Variants in UNC79 observed in about 807,000 individuals in gnomAD.
UNC79 encodes the protein protein unc-79 homolog.
In UNC79, 37 loss-of-function variants were observed where a neutral mutation model predicts 283.1. The ratio of observed to expected loss-of-function variants is 0.13; its 90% CI spans 0.10 to 0.17. UNC79 has a LOEUF of 0.17. Ranked by LOEUF, UNC79 falls within the 10% of genes least tolerant of loss-of-function variation. UNC79 has a pLI of 1.00. For missense variants in UNC79, 2,272 were observed against 3,211.1 expected (o/e 0.71, Z 7.07); for synonymous variants, 1,107 against 1,200.2 (o/e 0.92, Z 1.61).
At chr14:93,466,245 G>A (rs1445224772) in intron 1 of UNC79, among the ~76,000 whole-genome samples, 2 of 152,236 alleles carry the variant, frequency 1.3e-5, no homozygotes, top group Non-Finnish European at 2.9e-5. Flanking sequence ...GGTAGTGGAA[G>A]AGAGAAAAGG....
In UNC79 at chr14:93,621,520, G is replaced by A; in HGVS notation, c.4388-101G>A. 2 of 1,337,090 alleles carry A rather than the reference G, an allele frequency of 1.5e-6. No homozygotes were observed. Among genetic ancestry groups the A allele is most frequent in the East Asian group, 2.6e-5 (1 of 39,108 alleles). The allele number at this position is 1,337,090 out of a possible 1,614,324, so 82.8% of individuals were successfully genotyped here. A position where few individuals can be genotyped will look rare whatever the true frequency, so the allele number is the denominator to read the frequency against. On this transcript the variant is annotated intron_variant, in intron 29 of 48. Coordinates refer to ENST00000555664, the Ensembl canonical transcript of UNC79. The surrounding 1 kb of genome is among the most constrained non-coding windows in gnomAD (Gnocchi z 4.8). ...TCGTTTTCCCTCCTGGTGGAGCTGGGATTGTGATGATGATTTATGCCAATT... is the reference window on the plus strand; with the variant it reads ...TCGTTTTCCCTCCTGGTGGAGCTGGAATTGTGATGATGATTTATGCCAATT...
chr14:93,650,574 G>T (rs753259281), intron 35 of UNC79, among the ~76,000 whole-genome samples: 9 of 152,102 alleles, frequency 5.9e-5, no homozygotes, highest in Non-Finnish European at 1.2e-4. Flanking sequence ...AGTGCTCATT[G>T]ACCCATTGCG....
intron 12 of UNC79, 82 bp downstream of exon 12, chr14:93,538,300 T>G: frequency 7.4e-7 from 1 of 1,353,894 alleles, no homozygotes. Flanking sequence ...ATGTGCATAT[T>G]TAATGCAACC....
At chr14:93,395,158 A>G (rs1462327407) in intron 1 of UNC79, among the ~76,000 whole-genome samples, 1 of 152,022 alleles carries the variant, frequency 6.6e-6, no homozygotes, top group African/African-American at 2.4e-5. Flanking sequence ...CTTTTATTTA[A>G]TTCTGAAGGA....
At chr14:93,665,479 A>G (rs557227721) in intron 40 of UNC79, among the ~76,000 whole-genome samples, 5 of 152,100 alleles carry the variant, frequency 3.3e-5, no homozygotes, top group African/African-American at 2.4e-5. Flanking sequence ...TAGGCTTTTT[A>G]TCAATTCTAG....
At chr14:93,691,476 A>G (rs1386147110) in intron 45 of UNC79, 3 of 545,496 alleles carry the variant, frequency 5.5e-6, no homozygotes, top group Non-Finnish European at 9.9e-6. Context: ...AGTTTCATTA[A>G]AGGGCAAGGG....
intron 35 of UNC79, among the ~76,000 whole-genome samples, chr14:93,653,132 T>A (rs2070480961): frequency 6.6e-6 from 1 of 152,128 alleles, no homozygotes; most frequent in African/African-American, 2.4e-5. Flanking sequence ...TCAAGAAGCA[T>A]CCTTTCTGGT....
chr14:93,513,566 A>G (rs2059927315), intron 7 of UNC79, among the ~76,000 whole-genome samples: 1 of 151,978 alleles, frequency 6.6e-6, no homozygotes, highest in Admixed American at 6.6e-5. Context: ...CATTTTTGTT[A>G]TGGCCTGATA....
At chr14:93,518,423 G>A (rs1180777081) in intron 7 of UNC79, among the ~76,000 whole-genome samples, 1 of 151,704 alleles carries the variant, frequency 6.6e-6, no homozygotes, top group African/African-American at 2.4e-5. Context: ...CCTGATATTG[G>A]TAATTCATGA....
intron 40 of UNC79, 78 bp downstream of exon 43, chr14:93,662,792 C>A (rs2140462658): frequency 1.8e-6 from 2 of 1,119,626 alleles, no homozygotes; most frequent in South Asian, 1.6e-5. Context: ...AGTGTCAAGT[C>A]CCTTTTAGCT....
At chr14:93,420,229 A>T (rs2140068591) in intron 1 of UNC79, among the ~76,000 whole-genome samples, 1 of 151,492 alleles carries the variant, frequency 6.6e-6, no homozygotes, top group South Asian at 2.1e-4. Context: ...AACACACTTT[A>T]CCTATAAAGA....
chr14:93,700,494 A>C (rs1454836723), intron 47 of UNC79, among the ~76,000 whole-genome samples: 1 of 151,728 alleles, frequency 6.6e-6, no homozygotes, highest in Non-Finnish European at 1.5e-5. Flanking sequence ...ATTTTCTGTT[A>C]ATGGATTTTT....
At chr14:93,359,595 C>T (rs1340798168) in intron 1 of UNC79, among the ~76,000 whole-genome samples, 1 of 152,188 alleles carries the variant, frequency 6.6e-6, no homozygotes, top group Admixed American at 6.5e-5. Context: ...AATAGTCTGA[C>T]TCGTGTAGAG....
At chr14:93,343,209 C>T (rs754495848) in intron 1 of UNC79, among the ~76,000 whole-genome samples, 3 of 152,200 alleles carry the variant, frequency 2.0e-5, no homozygotes, top group Non-Finnish European at 4.4e-5. Context: ...TAAAGAACTA[C>T]CTGAGACTGG....
intron 5 of UNC79, among the ~76,000 whole-genome samples, chr14:93,489,790 A>G (rs2058634953): frequency 6.6e-6 from 1 of 152,138 alleles, no homozygotes; most frequent in African/African-American, 2.4e-5. Context: ...GCGTGGCTCT[A>G]TCTCCATGGC....
intron 11 of UNC79, 62 bp from the exon 12 acceptor site, chr14:93,537,927 G>A: frequency 3.3e-6 from 5 of 1,516,652 alleles, no homozygotes; most frequent in Non-Finnish European, 4.4e-6. Context: ...CATTTATTCT[G>A]ATTCTTAGCC....
chr14:93,362,771 T>G (rs2054252257), intron 1 of UNC79, among the ~76,000 whole-genome samples: 1 of 152,188 alleles, frequency 6.6e-6, no homozygotes, highest in South Asian at 2.1e-4. Context: ...TAGTTTGTGT[T>G]CACAGAAGTG....
chr14:93,487,835 TCA>T, intron 5 of UNC79, 80 bp downstream of exon 5: 1 of 1,372,152 alleles, frequency 7.3e-7, no homozygotes, highest in Non-Finnish European at 1.0e-6. Context: ...CTAGATGTTC[TCA>T]TGTGAGAACG....
intron 47 of UNC79, among the ~76,000 whole-genome samples, chr14:93,701,466 G>A (rs1353954125): frequency 6.6e-6 from 1 of 152,000 alleles, no homozygotes; most frequent in East Asian, 1.9e-4. Flanking sequence ...TAAGAGGAAG[G>A]GTATCACTTT....
Sources: allele counts gnomAD v4.1 joint callset (sites outside exome capture counted in the v4.1 genomes callset), GRCh38; gene constraint gnomAD v4.1.1; non-coding constraint Gnocchi (gnomAD v3.1); transcripts MANE v1.5; gene names NCBI Gene and HGNC (gene_info 2026-07-23, HGNC 2026-07-21).